EXTL3: variants seen among roughly 807,000 people sequenced by gnomAD.
EXTL3 encodes the protein exostosin like glycosyltransferase 3.
Under a neutral mutation model 69.3 loss-of-function variants are expected in EXTL3, and 27 were observed. The observed-to-expected ratio is 0.39, with a 90% confidence interval of 0.29 to 0.54. EXTL3 has a LOEUF of 0.54. Ranked by LOEUF, EXTL3 falls within the 20% of genes least tolerant of loss-of-function variation. The pLI, the probability that EXTL3 is intolerant of heterozygous loss-of-function variation, is 0.69. For missense variants in EXTL3, 1,003 were observed against 1,231.8 expected (o/e 0.81, Z 2.78); for synonymous variants, 511 against 499.4 (o/e 1.02, Z -0.31).
chr8:28,735,127 T>G (rs1217489660), intron 4 of EXTL3, among the ~76,000 whole-genome samples: 1 of 151,826 alleles, frequency 6.6e-6, no homozygotes, highest in Non-Finnish European at 1.5e-5. Context: ...TAGCTGACTC[T>G]CTCCACTTGT....
In EXTL3 at chr8:28,733,376, A is replaced by ATG. The variant is rs535701097; in HGVS notation, c.2276+2040_2276+2041dup. Among the ~76,000 whole-genome samples the ATG allele has an allele frequency of 2.9e-3, 445 of 151,232 alleles. 1 individual carries two copies. The highest frequency in any genetic ancestry group is 3.9e-3 in the Non-Finnish European group (264 of 67,728). On this transcript the variant is annotated intron_variant, in intron 4 of 6. Coordinates refer to ENST00000220562, the MANE Select transcript of EXTL3 (RefSeq NM_001440.4). ...AAGTGATAACTAATTTTATATATAA[A>ATG]TGTGTGTGTGTGTGTATGTGTGTAT...
rs536488423 is a variant in EXTL3 at position 28,745,806 on chromosome 8, A to ATC, written c.2550+2596_2550+2597dup. ...AGGCCAGTGTTTCATTAGTTAAGCCATCTCTTCAGTGCAGGTGGAAGTAAT... is the reference window on the plus strand; with the variant it reads ...AGGCCAGTGTTTCATTAGTTAAGCCATCTCTCTTCAGTGCAGGTGGAAGTAAT... On this transcript the variant is annotated intron_variant, in intron 6 of 6. Transcript: ENST00000220562. 1.6e-4 allele frequency among the ~76,000 whole-genome samples: 25 copies of ATC among 152,330 alleles called. No homozygotes were observed. In the South Asian group the frequency reaches 5.2e-3, roughly 32 times the overall value.
At chr8:28,731,007 CTAAT>C (rs1385967603) in intron 3 of EXTL3, among the ~76,000 whole-genome samples, 1 of 152,148 alleles carries the variant, frequency 6.6e-6, no homozygotes, top group African/African-American at 2.4e-5. Flanking sequence ...AATTAGCTAA[CTAAT>C]GAATGAAGCT....
At chr8:28,610,182 G>A (rs965269788) in intron 2 of EXTL3, among the ~76,000 whole-genome samples, 2 of 151,688 alleles carry the variant, frequency 1.3e-5, no homozygotes, top group Admixed American at 6.6e-5. Flanking sequence ...CAGACTGAGC[G>A]ACAGAGCGAG....
At chr8:28,661,820 G>A (rs973040251) in intron 1 of EXTL3, among the ~76,000 whole-genome samples, 2 of 151,832 alleles carry the variant, frequency 1.3e-5, no homozygotes, top group Non-Finnish European at 2.9e-5. Flanking sequence ...GGGAGGCAGA[G>A]GTTGCAGTGA....
chr8:28,754,824 G>A lies in EXTL3; in HGVS notation c.*3958G>A, dbSNP rs1337182175. 1 of 152,240 alleles carries A rather than the reference G, an allele frequency of 6.6e-6. No homozygotes were observed. The highest frequency in any genetic ancestry group is 1.5e-5 in the Non-Finnish European group (1 of 68,092). 9.4% of individuals were successfully genotyped at this position (152,240 alleles called of 1,614,324 possible). Reference sequence around the variant, plus strand: ...CCTAACATCTTAATCTCAGCATTTGGTGAGGCAGAAGTGGGAGGATCACAT... The same window carrying A: ...CCTAACATCTTAATCTCAGCATTTGATGAGGCAGAAGTGGGAGGATCACAT... On this transcript the variant is annotated 3_prime_UTR_variant, in exon 7 of 7. Transcript: ENST00000220562.
chr8:28,689,529 G>T (rs1800580316), intron 1 of EXTL3, among the ~76,000 whole-genome samples: 1 of 152,106 alleles, frequency 6.6e-6, no homozygotes, highest in African/African-American at 2.4e-5. Flanking sequence ...TTTCAAAGTA[G>T]TTTCCTAAAT....
chr8:28,712,928 T>C (rs937529086), intron 1 of EXTL3, among the ~76,000 whole-genome samples: 1 of 152,208 alleles, frequency 6.6e-6, no homozygotes, highest in African/African-American at 2.4e-5. Context: ...GAATTTTTGG[T>C]ATGAAAAATT....
chr8:28,717,303 G>A lies in EXTL3; in HGVS notation c.1244G>A (p.Cys415Tyr). ...AGCCTGCCGACTGAGTGGGCACTGT[G>A]TGGAGAGCGGGAGGACCGCTTGGAA... ...KPSLPTEWAL[C>Y]GEREDRLELL... The change falls in exon 3 of 7, where the codon TGT becomes TAT. Residue 415 changes from cysteine (C) to tyrosine (Y), a missense_variant. This residue lies in a region of EXTL3 where 742 missense variants were observed against 815.4 expected (regional missense o/e 0.91). Coordinates refer to ENST00000220562, the MANE Select transcript of EXTL3 (RefSeq NM_001440.4). The surrounding 1 kb of genome is among the most constrained non-coding windows in gnomAD (Gnocchi z 8.3). 6.2e-7 allele frequency: 1 copy of A among 1,614,250 alleles called. No homozygotes were observed. The highest frequency in any genetic ancestry group is 8.5e-7 in the Non-Finnish European group (1 of 1,180,052).
rs34069791 is a variant in EXTL3, at chr8:28,665,416, C to CTTTT, written c.-53+42624_-53+42627dup. 5.2e-5 allele frequency among the ~76,000 whole-genome samples: 6 copies of CTTTT among 115,390 alleles called. No individual in the cohort carries two copies. In the East Asian group the frequency reaches 1.0e-3, roughly 20 times the overall value. 75.7% of individuals were successfully genotyped at this position (115,390 alleles called of 152,430 possible). On this transcript the variant is annotated intron_variant, in intron 1 of 6. Coordinates refer to the EXTL3 transcript ENST00000523149. ...CTCAAGCTCAGTCGTCACTTGTTTA[C>CTTTT]TTTTTTTTTTTTTTTTTTTTTGAGA... is the stretch of plus-strand genomic sequence containing the variant.
Position 28,717,566 on chromosome 8 carries a change from A to G in EXTL3, c.1507A>G (p.Ser503Gly). ...TTTCCTGCTCAGAAGCCTCTCCGAT[A>G]GTGACCTCCTGGCTATGAGGCGGCA... Reference protein sequence around the residue: ...VHFLLRSLSDSDLLAMRRQGR... With the variant: ...VHFLLRSLSDGDLLAMRRQGR... Residue 503 changes from serine to glycine, a missense_variant, in exon 3 of 7, where the codon AGT (serine) becomes GGT (glycine). Ser to Gly is a moderately conservative substitution (Grantham distance 56). Around this residue, in one of 2 missense-constraint regions of EXTL3, gnomAD observed 742 missense variants for 815.4 expected, o/e 0.91. Transcript: ENST00000220562. The surrounding 1 kb of genome is among the most constrained non-coding windows in gnomAD (Gnocchi z 8.3). The G allele has an allele frequency of 6.2e-7, 1 of 1,614,218 alleles. No individual in the cohort carries two copies. Among genetic ancestry groups the G allele is most frequent in the South Asian group, 1.1e-5 (1 of 91,080 alleles).
At chr8:28,643,508 G>C (rs941417219) in intron 1 of EXTL3, among the ~76,000 whole-genome samples, 1 of 149,114 alleles carries the variant, frequency 6.7e-6, no homozygotes, top group Non-Finnish European at 1.5e-5. Context: ...TCTGCCTCCC[G>C]GGTTTACGCC....
At chr8:28,608,088 C>G (rs1051684196) in intron 2 of EXTL3, among the ~76,000 whole-genome samples, 50 of 147,446 alleles carry the variant, frequency 3.4e-4, no homozygotes, top group African/African-American at 1.3e-3. Flanking sequence ...CCAGCCTGGG[C>G]GACAGAGCGA....
chr8:28,651,610 C>T (rs1390708555), intron 1 of EXTL3, among the ~76,000 whole-genome samples: 1 of 152,192 alleles, frequency 6.6e-6, no homozygotes, highest in East Asian at 1.9e-4. Context: ...TAAGCATGAG[C>T]CACCATGCCT....
chr8:28,662,276 A>G (rs548958791), intron 1 of EXTL3, among the ~76,000 whole-genome samples: 16 of 152,092 alleles, frequency 1.1e-4, no homozygotes, highest in Non-Finnish European at 1.6e-4. Flanking sequence ...TTCCTCACAT[A>G]TATTTTTATC....
upstream of EXTL3, among the ~76,000 whole-genome samples, chr8:28,619,266 TAAAA>T (rs755355444): frequency 3.1e-5 from 2 of 64,654 alleles, no homozygotes; most frequent in South Asian, 5.9e-4. Flanking sequence ...AGCTTAGTGA[TAAAA>T]AAAAAAAAAA....
intron 1 of EXTL3, among the ~76,000 whole-genome samples, chr8:28,670,216 A>AAAAAAAAAAAAG (rs1211025711): frequency 1.3e-5 from 2 of 151,150 alleles, no homozygotes; most frequent in Non-Finnish European, 2.9e-5. Context: ...CTCAAAAAAA[A>AAAAAAAAAAAAG]AAAGGTTGGG....
At chr8:28,638,588 A>G (rs891366188) in intron 1 of EXTL3, among the ~76,000 whole-genome samples, 1 of 152,152 alleles carries the variant, frequency 6.6e-6, no homozygotes, top group Non-Finnish European at 1.5e-5. Context: ...AACACAAGAC[A>G]ATCTTCTACT....
chr8:28,643,994 G>A (rs1047201787), intron 1 of EXTL3, among the ~76,000 whole-genome samples: 1 of 152,064 alleles, frequency 6.6e-6, no homozygotes, highest in Non-Finnish European at 1.5e-5. Context: ...CAAACTCCTG[G>A]GATAAAGTGG....
Sources: gnomAD v4.1 joint callset for allele counts (sites outside exome capture counted in the v4.1 genomes callset) on GRCh38, gnomAD v4.1.1 for gene constraint, gnomAD v4.1.1 regional missense constraint, Gnocchi (gnomAD v3.1) non-coding constraint, MANE v1.5 for transcripts, NCBI Gene and HGNC (gene_info 2026-07-23, HGNC 2026-07-21) for gene names.